The following AGMO variants were observed in gnomAD, a reference collection of about 807,000 sequenced individuals.
AGMO encodes the protein alkylglycerol monooxygenase, also known as glyceryl-ether monooxygenase.
AGMO carries 75 observed loss-of-function variants against 60.2 expected under a neutral mutation model. That is an observed-to-expected ratio of 1.25 (90% CI 1.03 to 1.51). The LOEUF (loss-of-function observed/expected upper bound fraction) is 1.51. Among genes scored for constraint, AGMO ranks in the 40% most tolerant of loss-of-function variants. The pLI is 0.00. For missense variants in AGMO, 763 were observed against 525.5 expected, an observed-to-expected ratio of 1.45 and a Z score of -4.42; for synonymous variants, 261 against 177.1, an observed-to-expected ratio of 1.47 and a Z score of -3.76.
At chr7:15,388,334 TA>T (rs953236767) in intron 8 of AGMO, among the ~76,000 whole-genome samples, 2 of 151,962 alleles carry the variant, frequency 1.3e-5, no homozygotes, top group African/African-American at 4.8e-5. Flanking sequence ...TTGGAAAAAT[TA>T]AAAAAATTGC....
At chr7:15,384,084 G>A (rs553852747) in intron 10 of AGMO, among the ~76,000 whole-genome samples, 1 of 151,974 alleles carries the variant, frequency 6.6e-6, no homozygotes, top group Non-Finnish European at 1.5e-5. Flanking sequence ...TACAGGGCCC[G>A]CCACCATGCC....
intron 12 of AGMO, among the ~76,000 whole-genome samples, chr7:15,290,419 C>T (rs369797880): frequency 4.1e-4 from 62 of 152,264 alleles, no homozygotes; most frequent in African/African-American, 1.3e-3. Flanking sequence ...TGTTAAGGAA[C>T]TTTTGGATTA....
intron 12 of AGMO, among the ~76,000 whole-genome samples, chr7:15,248,654 G>A (rs1782840476): frequency 6.6e-6 from 1 of 152,204 alleles, no homozygotes; most frequent in Non-Finnish European, 1.5e-5. Context: ...ACTTGAGAGT[G>A]GTGACACACA....
chr7:15,195,723 G>A (rs1029427976), downstream of AGMO, among the ~76,000 whole-genome samples: 1 of 152,076 alleles, frequency 6.6e-6, no homozygotes, highest in African/African-American at 2.4e-5. Context: ...ACTGCTTTTT[G>A]TTAGAAAAGA....
chr7:15,357,779 G>C (rs1330691100), intron 12 of AGMO, among the ~76,000 whole-genome samples: 1 of 152,158 alleles, frequency 6.6e-6, no homozygotes, highest in Non-Finnish European at 1.5e-5. Context: ...TGATTATGTG[G>C]AATACTGCTG....
At chr7:15,126,274 T>A in the AGMO span, among the ~76,000 whole-genome samples, 2 of 152,114 alleles carry the variant, frequency 1.3e-5, no homozygotes, top group African/African-American at 4.8e-5. Flanking sequence ...AGTAACATTT[T>A]AAATATAAAT....
At chr7:15,425,441 T>A (rs1031043034) in intron 4 of AGMO, among the ~76,000 whole-genome samples, 12 of 151,500 alleles carry the variant, frequency 7.9e-5, no homozygotes, top group Non-Finnish European at 1.2e-4. Flanking sequence ...TATTTTATTT[T>A]TTTTTTTTTG....
intron 12 of AGMO, among the ~76,000 whole-genome samples, chr7:15,346,028 A>G (rs142709976): frequency 5.5e-4 from 84 of 152,288 alleles, no homozygotes; most frequent in African/African-American, 1.8e-3. Context: ...TTTTCCTTTT[A>G]AAGCAAAGAG....
intron 12 of AGMO, among the ~76,000 whole-genome samples, chr7:15,347,614 C>CA (rs35147127): frequency 0.34 from 51,227 of 151,390 alleles, 9,379 homozygotes; most frequent in East Asian, 0.48. Context: ...ACTGATTTCC[C>CA]AAAAAAAATG....
At chr7:15,118,989 G>GTT in the AGMO span, among the ~76,000 whole-genome samples, 79 of 143,018 alleles carry the variant, frequency 5.5e-4, no homozygotes, top group Middle Eastern at 0.012. Context: ...AGCTATTGGG[G>GTT]TTTTTTTTTC....
intron 12 of AGMO, among the ~76,000 whole-genome samples, chr7:15,286,839 A>G (rs574309960): frequency 2.0e-5 from 3 of 152,286 alleles, no homozygotes; most frequent in Admixed American, 2.0e-4. Flanking sequence ...CCCATCAACC[A>G]ATGAGTGGAT....
At chr7:15,256,684 T>C (rs994155831) in intron 12 of AGMO, among the ~76,000 whole-genome samples, 5 of 152,164 alleles carry the variant, frequency 3.3e-5, no homozygotes, top group African/African-American at 1.2e-4. Flanking sequence ...ATTTCTATCA[T>C]CTACTGGTTT....
At chr7:15,351,274 C>T (rs1180669596) in intron 12 of AGMO, among the ~76,000 whole-genome samples, 9 of 151,960 alleles carry the variant, frequency 5.9e-5, no homozygotes, top group Non-Finnish European at 1.2e-4. Flanking sequence ...ATCAGAGGAG[C>T]AAAAACAAAA....
At chr7:15,356,953 C>CAA (rs917201250) in intron 12 of AGMO, among the ~76,000 whole-genome samples, 3,418 of 68,852 alleles carry the variant, frequency 0.05, 76 homozygotes, top group South Asian at 0.082. Context: ...ACTAAAATTA[C>CAA]AAAAAAAAAA....
chr7:15,118,610 T>C, the AGMO span, among the ~76,000 whole-genome samples: 2 of 152,134 alleles, frequency 1.3e-5, no homozygotes, highest in Non-Finnish European at 2.9e-5. Context: ...CGTGTAGGTA[T>C]GTTACTAATG....
intron 12 of AGMO, among the ~76,000 whole-genome samples, chr7:15,316,889 T>C (rs896463816): frequency 6.6e-6 from 1 of 152,212 alleles, no homozygotes; most frequent in Admixed American, 6.5e-5. Flanking sequence ...TAACCCACTC[T>C]GCCCATGGCA....
chr7:15,428,436 A>G lies in AGMO; in HGVS notation c.513+2569T>C, dbSNP rs79539663. ...TCAGCACATTCCCTAACAACATGGC[A>G]TGAGTTTGTAAAGATAAATTATTCT... On this transcript the variant is annotated intron_variant, in intron 4 of 12. Transcript: ENST00000342526. 3.9e-4 allele frequency among the ~76,000 whole-genome samples: 59 copies of G among 152,276 alleles called. 1 individual carries two copies. The East Asian group carries it at 0.011, about 29-fold the overall frequency.
At chr7:15,521,636 A>G (rs1783990265) in intron 3 of AGMO, among the ~76,000 whole-genome samples, 1 of 152,220 alleles carries the variant, frequency 6.6e-6, no homozygotes, top group South Asian at 2.1e-4. Context: ...AGCCTTTGAT[A>G]AAATTCAACA....
At chr7:15,535,151 T>C (rs1000024856) in intron 3 of AGMO, among the ~76,000 whole-genome samples, 1 of 151,858 alleles carries the variant, frequency 6.6e-6, no homozygotes, top group Non-Finnish European at 1.5e-5. Flanking sequence ...TCCAGGCAGT[T>C]TGGTTCCAGA....
Sources: allele counts gnomAD v4.1 joint callset (sites outside exome capture counted in the v4.1 genomes callset), GRCh38; gene constraint gnomAD v4.1.1; transcripts MANE v1.5; gene names NCBI Gene and HGNC (gene_info 2026-07-23, HGNC 2026-07-21).